Variants in TPD52L2 observed in about 807,000 individuals in gnomAD.
TPD52L2 encodes the protein tumor protein D54.
A neutral mutation model predicts 24.7 loss-of-function variants in TPD52L2; 19 were observed. The ratio of observed to expected loss-of-function variants is 0.77; its 90% CI spans 0.54 to 1.13. The LOEUF is 1.13. Ranked by LOEUF, TPD52L2 falls within the 50% of genes most tolerant of loss-of-function variation. The probability of loss-of-function intolerance (pLI) is 0.00; values close to 1 mark genes in which losing one functional copy is unlikely to be tolerated. For synonymous variants in TPD52L2, 104 were observed against 100.2 expected (o/e 1.04, Z -0.23); for missense variants, 236 against 250.4 (o/e 0.94, Z 0.39).
intron 4 of TPD52L2, among the ~76,000 whole-genome samples, chr20:63,879,255 A>T (rs1786391105): frequency 6.6e-6 from 1 of 152,128 alleles, no homozygotes; most frequent in African/African-American, 2.4e-5. Flanking sequence ...TGACCCCCTC[A>T]TTTCCACACC....
Position 63,865,346 on chromosome 20 carries a change from G to T in TPD52L2, c.-20G>T, listed in dbSNP as rs770250187. ...CGGCTCCCATAGCGCCCGCGACAGC[G>T]GTCCGGACGCCGCCCGAACATGGAC... On this transcript the variant is annotated 5_prime_UTR_variant, in exon 1 of 7. Transcript: ENST00000346249. 3.3e-6 allele frequency: 5 copies of T among 1,523,606 alleles called. No individual in the cohort carries two copies. In the Admixed American group the frequency reaches 1.0e-4, roughly 31 times the overall value. 94.4% of individuals were successfully genotyped at this position (1,523,606 alleles called of 1,614,324 possible). A position where few individuals can be genotyped will look rare whatever the true frequency, so the allele number is the denominator to read the frequency against.
chr20:63,873,722 T>C lies in TPD52L2; in HGVS notation c.220T>C (p.Cys74Arg). Reference sequence around the variant, plus strand: ...GGTCCTGGCAGCCAAGGAGAGGCACTGTGGAGAGCTCAAGAGGAGGCTGGG... The same window carrying C: ...GGTCCTGGCAGCCAAGGAGAGGCACCGTGGAGAGCTCAAGAGGAGGCTGGG... ...RQVLAAKERH[C>R]GELKRRLGLS... The change falls in exon 3 of 7, where the codon TGT (cysteine) becomes CGT (arginine). Residue 74 changes from cysteine to arginine, a missense_variant. Cys to Arg is a radical substitution (Grantham distance 180). Coordinates refer to ENST00000346249, the MANE Select transcript of TPD52L2 (RefSeq NM_003288.4). 1 of 1,610,668 alleles carries C rather than the reference T, an allele frequency of 6.2e-7. No homozygotes were observed. Among genetic ancestry groups the C allele is most frequent in the South Asian group, 1.1e-5 (1 of 90,450 alleles).
At chr20:63,885,979 A>G (rs1246341507) in intron 5 of TPD52L2, 6 of 1,613,234 alleles carry the variant, frequency 3.7e-6, no homozygotes, top group East Asian at 4.5e-5. Flanking sequence ...CCTTGCTTAC[A>G]CTTCGTTTCC....
intron 2 of TPD52L2, among the ~76,000 whole-genome samples, 166 bp from the exon 3 acceptor site, chr20:63,873,502 A>C (rs1347470413): frequency 2.0e-5 from 3 of 150,332 alleles, no homozygotes; most frequent in African/African-American, 7.4e-5. Context: ...AAAAAAAAAA[A>C]CCAAAACCCA....
chr20:63,880,224 A>G (rs2146218775), intron 4 of TPD52L2, among the ~76,000 whole-genome samples: 1 of 68,156 alleles, frequency 1.5e-5, no homozygotes, highest in African/African-American at 6.7e-5. Context: ...CTCTTAGGGC[A>G]CAAATGCAGG....
chr20:63,886,395 C>G (rs1315247631), intron 5 of TPD52L2, among the ~76,000 whole-genome samples: 2 of 151,496 alleles, frequency 1.3e-5, no homozygotes, highest in East Asian at 1.9e-4. Flanking sequence ...GAGTCTTGCT[C>G]TGTCGCCCAG....
chr20:63,869,413 A>T lies in TPD52L2; in HGVS notation c.137A>T (p.Glu46Val). 6.2e-7 allele frequency: 1 copy of T among 1,614,118 alleles called. No individual in the cohort carries two copies. Among genetic ancestry groups the T allele is most frequent in the Non-Finnish European group, 8.5e-7 (1 of 1,180,024 alleles). The change falls in exon 2 of 7, where the codon GAG becomes GTG. Residue 46 changes from glutamate (E) to valine (V), a missense_variant. Coordinates refer to ENST00000346249, the MANE Select transcript of TPD52L2 (RefSeq NM_003288.4). ...PAVEGLTEAE[E>V]EELRAELTKV... ...GTTGAGGGTCTGACAGAGGCTGAGGAGGAGGAGCTCAGGGCTGAGCTTACC... is the reference window on the plus strand; with the variant it reads ...GTTGAGGGTCTGACAGAGGCTGAGGTGGAGGAGCTCAGGGCTGAGCTTACC...
At chr20:63,886,642 C>T (rs533969324) in intron 5 of TPD52L2, among the ~76,000 whole-genome samples, 1 of 151,112 alleles carries the variant, frequency 6.6e-6, no homozygotes, top group Non-Finnish European at 1.5e-5. Flanking sequence ...AGCCACCGCG[C>T]CCGGCCTTTT....
At position 63,890,051 on chromosome 20, in the gene TPD52L2, G is replaced by C. The variant is rs759942517; in HGVS notation, c.*106G>C. On this transcript the variant is annotated 3_prime_UTR_variant, in exon 7 of 7. Coordinates refer to ENST00000346249, the MANE Select transcript of TPD52L2 (RefSeq NM_003288.4). Reference sequence around the variant, plus strand: ...CCAGCCAGGGCGGATGAGCAGAGCCGGCCCTGAGGACAGTCCTGCCCATCC... The same window carrying C: ...CCAGCCAGGGCGGATGAGCAGAGCCCGCCCTGAGGACAGTCCTGCCCATCC... The C allele has an allele frequency of 6.4e-7, 1 of 1,559,292 alleles. No individual in the cohort carries two copies.
chr20:63,878,767 C>G (rs1401459771), intron 4 of TPD52L2, among the ~76,000 whole-genome samples: 3 of 152,218 alleles, frequency 2.0e-5, no homozygotes, highest in African/African-American at 7.2e-5. Context: ...AAACCGCTGT[C>G]TGTCCAGGGC....
At chr20:63,869,544 G>A in intron 2 of TPD52L2, 103 bp downstream of exon 2, 1 of 1,432,440 alleles carries the variant, frequency 7.0e-7, no homozygotes, top group Non-Finnish European at 9.7e-7. Flanking sequence ...AATTGCCCTG[G>A]GTGGTCACCT....
rs1336402831 is a variant in TPD52L2, at chr20:63,877,349, CAG to C, written c.374+1475_374+1476del. 3.6e-6 allele frequency: 1 copy of C among 279,700 alleles called. No individual in the cohort carries two copies. The highest frequency in any genetic ancestry group is 5.2e-5 in the Admixed American group (1 of 19,328). The allele number at this position is 279,700 out of a possible 1,614,324, so 17.3% of individuals were successfully genotyped here. A position where few individuals can be genotyped will look rare whatever the true frequency, so the allele number is the denominator to read the frequency against. On this transcript the variant is annotated intron_variant, in intron 4 of 6. Coordinates refer to ENST00000346249, the MANE Select transcript of TPD52L2 (RefSeq NM_003288.4). The surrounding 1 kb of genome is among the most constrained non-coding windows in gnomAD (Gnocchi z 4.1). ...TAATTTTTTGTATTTTTAGTAGAGA[CAG>C]GGTTTCATGGTGTTAGCCAGGATGG...
intron 1 of TPD52L2, 84 bp downstream of exon 1, chr20:63,865,468 C>G: frequency 4.8e-6 from 7 of 1,464,658 alleles, no homozygotes; most frequent in Non-Finnish European, 5.4e-6. Context: ...GTCTGCGACT[C>G]TCTGTCCTCT....
intron 4 of TPD52L2, among the ~76,000 whole-genome samples, chr20:63,882,187 GT>G (rs1472163508): frequency 2.0e-5 from 3 of 152,262 alleles, no homozygotes; most frequent in Non-Finnish European, 4.4e-5. Context: ...CACAGACGTG[GT>G]TGAGCTTGCA....
At chr20:63,874,218 A>C (rs938967293) in intron 3 of TPD52L2, among the ~76,000 whole-genome samples, 1 of 133,552 alleles carries the variant, frequency 7.5e-6, no homozygotes, top group Non-Finnish European at 1.6e-5. Context: ...CGCCCGGCTG[A>C]TTTTTTTTTT....
chr20:63,881,229 T>C (rs1395053997), intron 4 of TPD52L2, among the ~76,000 whole-genome samples: 3 of 151,840 alleles, frequency 2.0e-5, no homozygotes, highest in African/African-American at 7.3e-5. Flanking sequence ...GGCGTGGTGG[T>C]GGGTGCCTGT....
intron 4 of TPD52L2, 150 bp from the exon 5 acceptor site, chr20:63,882,569 C>A (rs2052942076): frequency 9.0e-6 from 6 of 669,966 alleles, no homozygotes; most frequent in Admixed American, 2.2e-5. Context: ...TGGGCCTGCA[C>A]CCCCTCTGTA....
In TPD52L2 at chr20:63,876,594, T is replaced by A. The variant is rs76235411; in HGVS notation, c.374+719T>A. 2,683 of 361,920 alleles carry A rather than the reference T, an allele frequency of 7.4e-3. 20 individuals are homozygous for A. Among genetic ancestry groups the A allele is most frequent in the Non-Finnish European group, 0.01 (1,908 of 182,006 alleles). 22.4% of individuals were successfully genotyped at this position (361,920 alleles called of 1,614,324 possible). On this transcript the variant is annotated intron_variant, in intron 4 of 6. Coordinates refer to ENST00000346249, the MANE Select transcript of TPD52L2 (RefSeq NM_003288.4). ...ATTTTTAAATAGTCTCTGTGGGATTTTTTCATCTGTTATTTAGAAGGAAGC... is the reference window on the plus strand; with the variant it reads ...ATTTTTAAATAGTCTCTGTGGGATTATTTCATCTGTTATTTAGAAGGAAGC...
intron 5 of TPD52L2, chr20:63,886,125 T>C: frequency 7.1e-7 from 1 of 1,416,780 alleles, no homozygotes; most frequent in South Asian, 1.1e-5. Context: ...CTTGGGCGGC[T>C]GTGCTAGTAG....
Sources: allele counts gnomAD v4.1 joint callset (sites outside exome capture counted in the v4.1 genomes callset), GRCh38; gene constraint gnomAD v4.1.1; non-coding constraint Gnocchi (gnomAD v3.1); transcripts MANE v1.5; gene names NCBI Gene and HGNC (gene_info 2026-07-23, HGNC 2026-07-21).